Variants in PLEKHG1 observed in about 807,000 individuals in gnomAD.
The protein encoded by PLEKHG1 is pleckstrin homology and RhoGEF domain containing G1, also known as pleckstrin homology domain-containing family G member 1.
A neutral mutation model predicts 100.8 loss-of-function variants in PLEKHG1; 44 were observed. The observed-to-expected ratio is 0.44, with a 90% CI of 0.34 to 0.56. The LOEUF (loss-of-function observed/expected upper bound fraction) is 0.56, where lower values mean the gene tolerates loss of function less well. PLEKHG1 is among the 20% of genes least tolerant of loss of function. The probability of loss-of-function intolerance (pLI) is 0.01; values close to 1 mark genes in which losing one functional copy is unlikely to be tolerated. For missense variants in PLEKHG1, 1,545 were observed against 1,720.9 expected (o/e 0.90, Z 1.81); for synonymous variants, 640 against 662.5 (o/e 0.97, Z 0.52).
chr6:150,718,589 C>A (rs184161752), upstream of PLEKHG1, among the ~76,000 whole-genome samples: 1 of 151,828 alleles, frequency 6.6e-6, no homozygotes, highest in Admixed American at 6.6e-5. Context: ...CCTGCCTCAG[C>A]CTCCCGAGTA....
intron 3 of PLEKHG1, among the ~76,000 whole-genome samples, chr6:150,662,001 A>G (rs1371388311): frequency 1.3e-5 from 2 of 152,178 alleles, no homozygotes; most frequent in African/African-American, 4.8e-5. Context: ...ATGAGGAGAC[A>G]GTCAGAATGA....
chr6:150,759,966 C>T (rs1015772223), intron 2 of PLEKHG1, among the ~76,000 whole-genome samples: 3 of 152,096 alleles, frequency 2.0e-5, no homozygotes, highest in African/African-American at 7.2e-5. Flanking sequence ...ACTGCATTCT[C>T]ACCTGGATGA....
intron 10 of PLEKHG1, among the ~76,000 whole-genome samples, chr6:150,811,598 A>G (rs1787534929): frequency 6.6e-6 from 1 of 151,912 alleles, no homozygotes; most frequent in South Asian, 2.1e-4. Flanking sequence ...TAAGTGGGAA[A>G]AAAGGAATTA....
intron 1 of PLEKHG1, among the ~76,000 whole-genome samples, chr6:150,630,329 G>A (rs1049158759): frequency 1.3e-5 from 2 of 152,188 alleles, no homozygotes; most frequent in African/African-American, 2.4e-5. Context: ...GAGATCAGTG[G>A]CCAGGAGGTG....
chr6:150,629,970 A>C lies in PLEKHG1; in HGVS notation c.-203-8110A>C, dbSNP rs117895652. 7.9e-3 allele frequency among the ~76,000 whole-genome samples: 1,200 copies of C among 152,278 alleles called. 11 individuals carry two copies. Among genetic ancestry groups the C allele is most frequent in the East Asian group, 0.028 (145 of 5,184 alleles). ...TTAGACAAAGAATATTTTATTTATA[A>C]AGTAAAAGTTAAAGATATTTATCTG... On this transcript the variant is annotated intron_variant, in intron 1 of 3. Coordinates refer to the PLEKHG1 transcript ENST00000367326.
At chr6:150,756,840 T>C (rs774202476) in intron 2 of PLEKHG1, among the ~76,000 whole-genome samples, 4 of 152,194 alleles carry the variant, frequency 2.6e-5, no homozygotes, top group African/African-American at 4.8e-5. Flanking sequence ...ACGTACTGTA[T>C]GCAGACCAGT....
chr6:150,779,726 G>A (rs909130693), intron 3 of PLEKHG1, among the ~76,000 whole-genome samples: 1 of 151,788 alleles, frequency 6.6e-6, no homozygotes, highest in African/African-American at 2.4e-5. Context: ...CAGCACTTTG[G>A]GAGGCCGAGG....
intron 3 of PLEKHG1, among the ~76,000 whole-genome samples, chr6:150,710,468 G>T (rs1357482078): frequency 2.6e-5 from 4 of 152,130 alleles, no homozygotes; most frequent in African/African-American, 7.2e-5. Flanking sequence ...AAGCGATGAG[G>T]CAGGAACAGA....
At chr6:150,841,842 G>A (rs886110787) in exon 16 of PLEKHG1, 2 of 152,206 alleles carry the variant, frequency 1.3e-5, no homozygotes, top group African/African-American at 2.4e-5. Context: ...TTTCCAGAGC[G>A]CTTTGCACAT....
chr6:150,761,199 G>T (rs1226228506), intron 2 of PLEKHG1, among the ~76,000 whole-genome samples: 2 of 143,468 alleles, frequency 1.4e-5, no homozygotes, highest in African/African-American at 5.2e-5. Context: ...TCCACCTCCT[G>T]GGTTCAAGCG....
At chr6:150,781,224 G>T (rs910130926) in intron 3 of PLEKHG1, among the ~76,000 whole-genome samples, 19 of 150,708 alleles carry the variant, frequency 1.3e-4, no homozygotes, top group African/African-American at 4.4e-4. Context: ...GTCAGATTAG[G>T]CTGGGCACGG....
Position 150,611,307 on chromosome 6 carries a change from A to G in PLEKHG1, c.-204+11290A>G, listed in dbSNP as rs145848679. Among the ~76,000 whole-genome samples the G allele has an allele frequency of 3.3e-3, 505 of 152,372 alleles. 3 individuals carry two copies. Among genetic ancestry groups the G allele is most frequent in the African/African-American group, 0.012 (487 of 41,594 alleles). On this transcript the variant is annotated intron_variant, in intron 1 of 3. Coordinates refer to the PLEKHG1 transcript ENST00000367326. ...TGAGAAGTCTGTGTTTGTTATTCTCATATTCAGAATGTAGCACTCTTGTTG... is the reference window on the plus strand; with the variant it reads ...TGAGAAGTCTGTGTTTGTTATTCTCGTATTCAGAATGTAGCACTCTTGTTG...
At chr6:150,724,856 T>C (rs1781883489) in intron 1 of PLEKHG1, among the ~76,000 whole-genome samples, 2 of 152,204 alleles carry the variant, frequency 1.3e-5, no homozygotes, top group African/African-American at 4.8e-5. Context: ...CCACCGCGCC[T>C]GGCCTAGGGA....
chr6:150,640,279 C>T (rs922521893), intron 2 of PLEKHG1, among the ~76,000 whole-genome samples: 21 of 152,238 alleles, frequency 1.4e-4, no homozygotes, highest in Non-Finnish European at 2.9e-5. Context: ...CAACTCTTCC[C>T]AAATGCGCAG....
At chr6:150,618,246 G>C (rs998416363) in intron 1 of PLEKHG1, among the ~76,000 whole-genome samples, 2 of 152,212 alleles carry the variant, frequency 1.3e-5, no homozygotes, top group South Asian at 2.1e-4. Flanking sequence ...GATGATGTCA[G>C]AACTTTACTC....
intron 12 of PLEKHG1, among the ~76,000 whole-genome samples, chr6:150,820,325 C>T (rs1459302403): frequency 6.6e-6 from 1 of 152,096 alleles, no homozygotes; most frequent in African/African-American, 2.4e-5. Context: ...GCTGTATTTG[C>T]TGTTGCTAAT....
intron 3 of PLEKHG1, among the ~76,000 whole-genome samples, chr6:150,715,490 CT>C (rs35466419): frequency 0.36 from 48,545 of 133,058 alleles, 8,616 homozygotes; most frequent in Middle Eastern, 0.47. Context: ...TTTTCTTTTT[CT>C]TTTTTTTTTT....
chr6:150,673,853 G>T (rs542862667), intron 3 of PLEKHG1, among the ~76,000 whole-genome samples: 1 of 152,244 alleles, frequency 6.6e-6, no homozygotes, highest in East Asian at 1.9e-4. Context: ...TTGTAGAGAT[G>T]AGCTTTTGCT....
intron 1 of PLEKHG1, among the ~76,000 whole-genome samples, chr6:150,601,480 T>C (rs1333407144): frequency 6.6e-6 from 1 of 152,096 alleles, no homozygotes; most frequent in Non-Finnish European, 1.5e-5. Flanking sequence ...CCCCTGTAAT[T>C]TGGTCTACAA....
Sources: allele counts gnomAD v4.1 joint callset (sites outside exome capture counted in the v4.1 genomes callset), GRCh38; gene constraint gnomAD v4.1.1; transcripts MANE v1.5; gene names NCBI Gene and HGNC (gene_info 2026-07-23, HGNC 2026-07-21).